Variants in CSMD1 observed in about 807,000 individuals in gnomAD.
CSMD1 encodes CUB and Sushi multiple domains 1.
In CSMD1, 213 loss-of-function variants were observed where a neutral mutation model predicts 417.5. The ratio of observed to expected loss-of-function variants is 0.51; its 90% confidence interval spans 0.46 to 0.57. CSMD1 has a LOEUF of 0.57. CSMD1 is among the 20% of genes least tolerant of loss of function. The probability of loss-of-function intolerance (pLI) is 0.00; values close to 1 mark genes in which losing one functional copy is unlikely to be tolerated. For missense variants in CSMD1, 6,923 were observed against 4,529.7 expected, an observed-to-expected ratio of 1.53 and a Z score of -15.17; for synonymous variants, 2,862 against 1,736.8, an observed-to-expected ratio of 1.65 and a Z score of -16.11.
At chr8:4,161,920 C>T (rs1387753450) in intron 3 of CSMD1, among the ~76,000 whole-genome samples, 2 of 152,098 alleles carry the variant, frequency 1.3e-5, no homozygotes. Context: ...GTTCATATCC[C>T]TTTCGTTTAA....
chr8:4,247,248 T>C (rs867822407), intron 3 of CSMD1, among the ~76,000 whole-genome samples: 39 of 152,292 alleles, frequency 2.6e-4, no homozygotes, highest in Admixed American at 1.4e-3. Flanking sequence ...CAAGTAACTA[T>C]TGAGTACAAT....
chr8:4,708,587 C>T (rs1205294928), intron 1 of CSMD1, among the ~76,000 whole-genome samples: 1 of 151,968 alleles, frequency 6.6e-6, no homozygotes, highest in Non-Finnish European at 1.5e-5. Context: ...GTCACTTAAA[C>T]TAGGTAGCCA....
At chr8:3,845,809 T>G (rs1004546301) in intron 5 of CSMD1, among the ~76,000 whole-genome samples, 6 of 152,266 alleles carry the variant, frequency 3.9e-5, no homozygotes, top group African/African-American at 1.4e-4. Context: ...ATATTTTTAT[T>G]CTATGTGCTT....
chr8:3,785,307 T>C (rs1317889251), intron 5 of CSMD1, among the ~76,000 whole-genome samples: 2 of 152,168 alleles, frequency 1.3e-5, no homozygotes, highest in East Asian at 1.9e-4. Flanking sequence ...TGATGAAACT[T>C]CAGGCTGCGG....
At chr8:3,777,780 G>A (rs1394473426) in intron 5 of CSMD1, among the ~76,000 whole-genome samples, 3 of 93,284 alleles carry the variant, frequency 3.2e-5, no homozygotes, top group Non-Finnish European at 6.5e-5. Context: ...TCCCACTCCA[G>A]ACCCACAGCC....
intron 5 of CSMD1, among the ~76,000 whole-genome samples, chr8:3,903,170 T>C (rs144077019): frequency 1.4e-4 from 22 of 152,246 alleles, no homozygotes; most frequent in Admixed American, 3.3e-4. Context: ...CATTTAGCGA[T>C]TGAGTATTAA....
chr8:4,264,146 T>C (rs989915345), intron 3 of CSMD1, among the ~76,000 whole-genome samples: 16 of 152,202 alleles, frequency 1.1e-4, no homozygotes, highest in African/African-American at 3.9e-4. Flanking sequence ...CAACACCTAC[T>C]ACTCAGCTCT....
intron 3 of CSMD1, among the ~76,000 whole-genome samples, chr8:4,336,103 T>A (rs1442439257): frequency 4.6e-5 from 7 of 152,118 alleles, no homozygotes; most frequent in Non-Finnish European, 8.8e-5. Flanking sequence ...TGAGAAATAG[T>A]GTAAGTATTT....
Position 4,008,600 on chromosome 8 carries a change from C to CTTTTTTTTTTTTT in CSMD1, c.611-10503_611-10491dup, listed in dbSNP as rs1161117794. 1.5e-3 allele frequency among the ~76,000 whole-genome samples: 120 copies of CTTTTTTTTTTTTT among 80,456 alleles called. 2 individuals are homozygous for CTTTTTTTTTTTTT. Among genetic ancestry groups the CTTTTTTTTTTTTT allele is most frequent in the Middle Eastern group, 0.012 (1 of 82 alleles). The allele number at this position is 80,456 out of a possible 152,430, so 52.8% of individuals were successfully genotyped here. On this transcript the variant is annotated intron_variant, in intron 4 of 69. Coordinates refer to ENST00000635120, the MANE Select transcript of CSMD1 (RefSeq NM_033225.6). ...GATTCAGTATTTTCTTTCTTTTTTT[C>CTTTTTTTTTTTTT]TTTTTTTTTTTTTTTTTTTTTTTTT...
At chr8:4,165,534 G>C (rs771703523) in intron 3 of CSMD1, among the ~76,000 whole-genome samples, 3 of 152,088 alleles carry the variant, frequency 2.0e-5, no homozygotes, top group Non-Finnish European at 4.4e-5. Context: ...CTGCCAAGTA[G>C]GTGGGACCTC....
chr8:3,017,805 TTAAAA>T (rs1160135625), intron 52 of CSMD1, among the ~76,000 whole-genome samples: 137 of 121,676 alleles, frequency 1.1e-3, no homozygotes, highest in Non-Finnish European at 1.9e-3. Context: ...TTTGAGTGAT[TTAAAA>T]AAAAAAAAAA....
At chr8:4,920,537 T>C (rs1806366891) in intron 1 of CSMD1, among the ~76,000 whole-genome samples, 2 of 152,110 alleles carry the variant, frequency 1.3e-5, no homozygotes, top group Admixed American at 1.3e-4. Flanking sequence ...ATTACAATGG[T>C]GAGGCCAGGC....
intron 5 of CSMD1, among the ~76,000 whole-genome samples, chr8:3,888,162 T>C (rs993549605): frequency 6.6e-6 from 1 of 152,178 alleles, no homozygotes; most frequent in African/African-American, 2.4e-5. Context: ...GCAATGTTCG[T>C]CATCCCATAA....
chr8:3,830,387 C>T (rs1802306913), intron 5 of CSMD1, among the ~76,000 whole-genome samples: 1 of 152,200 alleles, frequency 6.6e-6, no homozygotes, highest in Non-Finnish European at 1.5e-5. Flanking sequence ...GGAGACGTTA[C>T]CTGGACCGCT....
At chr8:4,392,026 G>A (rs112343026) in intron 3 of CSMD1, among the ~76,000 whole-genome samples, 1 of 152,262 alleles carries the variant, frequency 6.6e-6, no homozygotes, top group Admixed American at 6.5e-5. Flanking sequence ...GTGGGTAAGT[G>A]AGTCCCAGGG....
At chr8:3,937,968 T>C (rs757930164) in intron 5 of CSMD1, among the ~76,000 whole-genome samples, 8 of 152,188 alleles carry the variant, frequency 5.3e-5, no homozygotes, top group Non-Finnish European at 1.0e-4. Flanking sequence ...GGTGACCATA[T>C]TAAGTTATAT....
intron 3 of CSMD1, among the ~76,000 whole-genome samples, chr8:4,073,633 T>C (rs960120754): frequency 1.3e-5 from 2 of 152,178 alleles, no homozygotes; most frequent in African/African-American, 4.8e-5. Context: ...TGAATTTTAA[T>C]GAATTTATTC....
chr8:3,460,813 C>G (rs918289829), intron 12 of CSMD1, among the ~76,000 whole-genome samples: 2 of 152,154 alleles, frequency 1.3e-5, no homozygotes, highest in Admixed American at 6.5e-5. Context: ...ATGCCGCACT[C>G]TGGGTAAGAA....
intron 11 of CSMD1, among the ~76,000 whole-genome samples, chr8:3,474,443 G>T (rs1051259747): frequency 2.6e-5 from 4 of 151,896 alleles, no homozygotes; most frequent in Non-Finnish European, 5.9e-5. Context: ...TAACCAACCT[G>T]CACCCCTATG....
Sources: gnomAD v4.1 joint callset for allele counts (sites outside exome capture counted in the v4.1 genomes callset) on GRCh38, gnomAD v4.1.1 for gene constraint, MANE v1.5 for transcripts, NCBI Gene and HGNC (gene_info 2026-07-23, HGNC 2026-07-21) for gene names.